The following FAU variants were observed in gnomAD, a reference collection of about 807,000 sequenced individuals.
FAU encodes the protein ubiquitin-like FUBI-ribosomal protein eS30 fusion protein.
For synonymous variants in FAU, 70 were observed against 69.9 expected (o/e 1.00, Z -0.01); for missense variants, 125 against 173.9 (o/e 0.72, Z 1.58).
intron 3 of FAU, 31 bp downstream of exon 3, chr11:65,121,469 G>A (rs1347301873): frequency 5.0e-6 from 8 of 1,605,840 alleles, no homozygotes; most frequent in Non-Finnish European, 6.0e-6. Context: ...ACGCTTACCG[G>A]TACTTCAAAG....
chr11:65,120,680 C>CTT lies in FAU; in HGVS notation c.401_402dup. 6.2e-7 allele frequency: 1 copy of CTT among 1,614,060 alleles called. No homozygotes were observed. Among genetic ancestry groups the CTT allele is most frequent in the South Asian group, 1.1e-5 (1 of 91,074 alleles). ...TAGAGAAAGCCAGAATTACAAAAGA[C>CTT]TTAAGAGTTGGCATTGGGGCCCTTC... is the stretch of plus-strand genomic sequence containing the variant. On this transcript the variant is annotated 3_prime_UTR_variant, in exon 5 of 5. Coordinates refer to ENST00000529639, the MANE Select transcript of FAU (RefSeq NM_001997.5).
In FAU at chr11:65,120,902, G is replaced by A. The variant is rs553193202; in HGVS notation, c.276+79C>T. 8.1e-6 allele frequency: 13 copies of A among 1,609,248 alleles called. No homozygotes were observed. In the African/African-American group the frequency reaches 1.1e-4, roughly 13 times the overall value. On this transcript the variant is annotated intron_variant, in intron 4 of 4. Transcript: ENST00000529639. ...TCTCCAGGGAGGGAGAAGGCAAACC[G>A]AGTAAGAGCCCAGGGACTTGGTTTA...
chr11:65,121,882 T>C, intron 1 of FAU, 61 bp from the exon 2 acceptor site: 1 of 1,562,124 alleles, frequency 6.4e-7, no homozygotes, highest in Non-Finnish European at 8.8e-7. Flanking sequence ...TAAAGGAGAT[T>C]TGGGAGTGGA....
chr11:65,121,879 G>A, intron 1 of FAU, 58 bp from the exon 2 acceptor site: 3 of 1,566,850 alleles, frequency 1.9e-6, no homozygotes, highest in Non-Finnish European at 2.6e-6. Flanking sequence ...GGATAAAGGA[G>A]ATTTGGGAGT....
intron 3 of FAU, chr11:65,121,299 G>T: frequency 1.3e-6 from 1 of 790,194 alleles, no homozygotes; most frequent in Non-Finnish European, 2.0e-6. Flanking sequence ...TGATGTGACT[G>T]AAATACAACT....
Position 65,120,668 on chromosome 11 carries a change from A to T in FAU, c.*13T>A. On this transcript the variant is annotated 3_prime_UTR_variant, in exon 5 of 5. Transcript: ENST00000529639. ...TGGCTTTTTTATTAGAGAAAGCCAG[A>T]ATTACAAAAGACTTAAGAGTTGGCA... 1 of 1,612,790 alleles carries T rather than the reference A, an allele frequency of 6.2e-7. No homozygotes were observed. The highest frequency in any genetic ancestry group is 1.7e-5 in the Admixed American group (1 of 59,746).
intron 3 of FAU, 109 bp from the exon 4 acceptor site, chr11:65,121,145 A>G: frequency 9.1e-7 from 1 of 1,098,144 alleles, no homozygotes; most frequent in Non-Finnish European, 1.4e-6. Flanking sequence ...CCCAATAGGT[A>G]ATGAGAACAA....
rs1948047140 is a variant in FAU, at chr11:65,121,506, G to T, written c.214C>A (p.Leu72Ile). ...ACATTCCTCTCTCACTCACCTCCAA[G>T]CATGCGGCCTGCTACTTCCAGGGTA... Reference protein sequence around the residue: ...LTTLEVAGRMLGGKVHGSLAR... With the variant: ...LTTLEVAGRMIGGKVHGSLAR... Residue 72 changes from leucine to isoleucine, a missense_variant, in exon 3 of 5, where the codon CTT becomes ATT. By Grantham distance (5) the Leu-to-Ile change is conservative. Transcript: ENST00000529639. 2 of 1,613,294 alleles carry T rather than the reference G, an allele frequency of 1.2e-6. No homozygotes were observed. Among genetic ancestry groups the T allele is most frequent in the Non-Finnish European group, 1.7e-6 (2 of 1,179,612 alleles).
rs1014251271 is a variant in FAU at position 65,121,282 on chromosome 11, G to A, written c.220+218C>T. 9.4e-6 allele frequency: 7 copies of A among 744,210 alleles called. 1 individual carries two copies. Among genetic ancestry groups the A allele is most frequent in the South Asian group, 7.6e-5 (4 of 52,756 alleles). 46.1% of individuals were successfully genotyped at this position (744,210 alleles called of 1,614,324 possible). A position where few individuals can be genotyped will look rare whatever the true frequency, so the allele number is the denominator to read the frequency against. The stretch of plus-strand genomic sequence containing the variant: ...GTGTGGAAGCTGATAACCAGACTAG[G>A]ATCTCGTGATGTGACTGAAATACAA... On this transcript the variant is annotated intron_variant, in intron 3 of 4. Coordinates refer to ENST00000529639, the MANE Select transcript of FAU (RefSeq NM_001997.5).
Position 65,120,652 on chromosome 11 carries a change from T to C in FAU, c.*29A>G. On this transcript the variant is annotated 3_prime_UTR_variant, in exon 5 of 5. Transcript: ENST00000529639. ...CGATGACTGAACTAAGTGGCTTTTT[T>C]ATTAGAGAAAGCCAGAATTACAAAA... 2.5e-6 allele frequency: 4 copies of C among 1,612,338 alleles called. No homozygotes were observed. Among genetic ancestry groups the C allele is most frequent in the Non-Finnish European group, 3.4e-6 (4 of 1,179,422 alleles).
At chr11:65,121,244 T>G (rs1438606685) in intron 3 of FAU, 4 of 723,596 alleles carry the variant, frequency 5.5e-6, no homozygotes, top group Non-Finnish European at 8.9e-6. Flanking sequence ...GGCCCTGGTC[T>G]GACCTAATTT....
chr11:65,121,181 CT>C, intron 3 of FAU, 145 bp from the exon 4 acceptor site: 1 of 908,600 alleles, frequency 1.1e-6, no homozygotes, highest in Non-Finnish European at 1.7e-6. Flanking sequence ...ACCTTGAAAT[CT>C]TAAGTTTCAT....
rs747175454 is a variant in FAU, at chr11:65,120,817, G to C, written c.277-11C>G. 1.9e-6 allele frequency: 3 copies of C among 1,614,010 alleles called. No homozygotes were observed. Among genetic ancestry groups the C allele is most frequent in the Non-Finnish European group, 2.5e-6 (3 of 1,179,934 alleles). ...CTCCTGTTTGGCCACCTGGAGAAGG[G>C]AAGGTTAATCAGGCCCTGGTTCCTG... On this transcript the variant is annotated splice_polypyrimidine_tract_variant and intron_variant, in intron 4 of 4. Transcript: ENST00000529639.
chr11:65,121,042 G>A lies in FAU; in HGVS notation c.221-6C>T. 6.2e-7 allele frequency: 1 copy of A among 1,614,144 alleles called. No individual in the cohort carries two copies. The highest frequency in any genetic ancestry group is 8.5e-7 in the Non-Finnish European group (1 of 1,180,022). On this transcript the variant is annotated splice_polypyrimidine_tract_variant and splice_region_variant and intron_variant, in intron 3 of 4. Coordinates refer to ENST00000529639, the MANE Select transcript of FAU (RefSeq NM_001997.5). ...CAGGGAACCATGGACTTTACCTGTA[G>A]TGGGAAAGGAAGGCACCAGCAGGTA...
At position 65,120,712 on chromosome 11, in the gene FAU, C is replaced by A; in HGVS notation, c.371G>T (p.Gly124Val). Residue 124 changes from glycine (G) to valine (V), a missense_variant, in exon 5 of 5, where the codon GGC (glycine) becomes GTC (valine). Physicochemically the swap from Gly to Val is moderately radical, Grantham distance 109. Transcript: ENST00000529639. ...RRFVNVVPTF[G>V]KKKGPNANS ...GTTGGCATTGGGGCCCTTCTTCTTG[C>A]CAAAGGTGGGCACAACGTTGACAAA... 1 of 1,614,192 alleles carries A rather than the reference C, an allele frequency of 6.2e-7. No individual in the cohort carries two copies. Among genetic ancestry groups the A allele is most frequent in the Non-Finnish European group, 8.5e-7 (1 of 1,180,032 alleles).
In FAU at chr11:65,121,535, A is replaced by T; in HGVS notation, c.185T>A (p.Leu62Gln). The T allele has an allele frequency of 6.2e-7, 1 of 1,613,874 alleles. No individual in the cohort carries two copies. The highest frequency in any genetic ancestry group is 1.1e-5 in the South Asian group (1 of 91,082). Reference sequence around the variant, plus strand: ...GCGGCCTGCTACTTCCAGGGTAGTCAGGGCCTCCACCCCGCACTGGCCCAG... The same window carrying T: ...GCGGCCTGCTACTTCCAGGGTAGTCTGGGCCTCCACCCCGCACTGGCCCAG... Reference protein sequence around the residue: ...ATLGQCGVEALTTLEVAGRML... With the variant: ...ATLGQCGVEAQTTLEVAGRML... Residue 62 changes from leucine (L) to glutamine (Q), a missense_variant, in exon 3 of 5, where the codon CTG becomes CAG. Transcript: ENST00000529639.
Position 65,120,758 on chromosome 11 carries a change from G to T in FAU, c.325C>A (p.Arg109=), listed in dbSNP as rs372080439. The change falls in exon 5 of 5, where the codon CGG becomes AGG. Residue 109 remains arginine (R), a synonymous_variant. Coordinates refer to ENST00000529639, the MANE Select transcript of FAU (RefSeq NM_001997.5). ...ACAAAGCGCCGGTTGTACTGCATCC[G>T]CCGCTTAGCCCGACCTGTCTTCTTC... is the stretch of plus-strand genomic sequence containing the variant. ...KKKKTGRAKR[R]MQYNRRFVNV... is the part of the protein sequence containing the mutation. The T allele has an allele frequency of 3.1e-6, 5 of 1,614,156 alleles. No individual in the cohort carries two copies. The highest frequency in any genetic ancestry group is 4.2e-6 in the Non-Finnish European group (5 of 1,180,024).
In FAU at chr11:65,120,745, T is replaced by C; in HGVS notation, c.338A>G (p.Asn113Ser). 6.2e-7 allele frequency: 1 copy of C among 1,614,166 alleles called. No homozygotes were observed. The highest frequency in any genetic ancestry group is 8.5e-7 in the Non-Finnish European group (1 of 1,180,030). ...TGRAKRRMQY[N>S]RRFVNVVPTF... ...GGGCACAACGTTGACAAAGCGCCGGTTGTACTGCATCCGCCGCTTAGCCCG... is the reference window on the plus strand; with the variant it reads ...GGGCACAACGTTGACAAAGCGCCGGCTGTACTGCATCCGCCGCTTAGCCCG... Residue 113 changes from asparagine to serine, a missense_variant, in exon 5 of 5, where the codon AAC becomes AGC. Asn to Ser is a conservative substitution (Grantham distance 46). Transcript: ENST00000529639.
At chr11:65,121,313 C>T in intron 3 of FAU, 187 bp downstream of exon 3, 1 of 819,544 alleles carries the variant, frequency 1.2e-6, no homozygotes, top group Non-Finnish European at 1.9e-6. Context: ...TACAACTACA[C>T]TCTGGCTCAG....
Sources: allele counts gnomAD v4.1 joint callset, GRCh38; gene constraint gnomAD v4.1.1; transcripts MANE v1.5; gene names NCBI Gene and HGNC (gene_info 2026-07-23, HGNC 2026-07-21).